The following SLC12A6 variants were observed in gnomAD, a reference collection of about 807,000 sequenced individuals.
SLC12A6 encodes the protein K-Cl cotransporter 3.
A neutral mutation model predicts 135.3 loss-of-function variants in SLC12A6; 66 were observed. That is an observed-to-expected ratio of 0.49 (90% CI 0.40 to 0.60). The LOEUF (loss-of-function observed/expected upper bound fraction) is 0.60. SLC12A6 is among the 20% of genes least tolerant of loss of function. The pLI is 0.00. For missense variants in SLC12A6, 1,058 were observed against 1,452.3 expected (o/e 0.73, Z 4.41); for synonymous variants, 513 against 508.8 (o/e 1.01, Z -0.11).
chr15:34,320,698 A>C (rs1299010305), intron 2 of SLC12A6, among the ~76,000 whole-genome samples: 3 of 151,668 alleles, frequency 2.0e-5, no homozygotes, highest in South Asian at 2.1e-4. Flanking sequence ...GGGTGGATCA[A>C]GAGGTCAGGA....
chr15:34,265,916 C>T (rs1400773874), intron 3 of SLC12A6, among the ~76,000 whole-genome samples: 3 of 150,510 alleles, frequency 2.0e-5, no homozygotes, highest in African/African-American at 4.9e-5. Context: ...AGCCAGACCA[C>T]GTAAGTTAGT....
chr15:34,336,968 A>G (rs1245178746), intron 1 of SLC12A6: 3 of 436,190 alleles, frequency 6.9e-6, no homozygotes, highest in Non-Finnish European at 1.3e-5. Context: ...TTCCTTCAGA[A>G]TGAAGAGCTA....
intron 2 of SLC12A6, among the ~76,000 whole-genome samples, chr15:34,278,494 C>A (rs1595484774): frequency 6.6e-6 from 1 of 152,180 alleles, no homozygotes; most frequent in Non-Finnish European, 1.5e-5. Context: ...GCTGTGCATA[C>A]ATGACGTATG....
intron 13 of SLC12A6, among the ~76,000 whole-genome samples, chr15:34,246,572 C>T (rs1327620411): frequency 1.3e-5 from 2 of 151,956 alleles, no homozygotes; most frequent in African/African-American, 4.8e-5. Context: ...TGTTGACTTT[C>T]TATTATATAA....
At chr15:34,266,640 C>T (rs1288289408) in intron 3 of SLC12A6, among the ~76,000 whole-genome samples, 1 of 152,084 alleles carries the variant, frequency 6.6e-6, no homozygotes, top group African/African-American at 2.4e-5. Context: ...TGAGGTTTTG[C>T]TATGTTGCCT....
chr15:34,291,459 CT>C (rs1895523995), intron 2 of SLC12A6, among the ~76,000 whole-genome samples: 1 of 152,110 alleles, frequency 6.6e-6, no homozygotes, highest in Non-Finnish European at 1.5e-5. Flanking sequence ...AATTAAGTGT[CT>C]TAGGGTTGCT....
chr15:34,266,254 C>T (rs1219312049), intron 3 of SLC12A6, among the ~76,000 whole-genome samples: 2 of 151,894 alleles, frequency 1.3e-5, no homozygotes, highest in East Asian at 1.9e-4. Flanking sequence ...CAGGCAAATA[C>T]TAACCAAAAG....
chr15:34,254,765 AT>A lies in SLC12A6; in HGVS notation c.877-177del, dbSNP rs11345194. Among the ~76,000 whole-genome samples the A allele has an allele frequency of 0.85, 121,237 of 142,052 alleles. 53,933 individuals carry two copies. The highest frequency in any genetic ancestry group is 0.98 in the South Asian group (4,335 of 4,412). 93.2% of individuals were successfully genotyped at this position (142,052 alleles called of 152,430 possible). ...TGCCTTCAGAAATGGGATGTCATGGATTTTTTTTTTTTTTTTGGTCTACATG... is the reference window on the plus strand; with the variant it reads ...TGCCTTCAGAAATGGGATGTCATGGATTTTTTTTTTTTTTTGGTCTACATG... On this transcript the variant is annotated intron_variant, in intron 8 of 25. Coordinates refer to ENST00000354181, the MANE Select transcript of SLC12A6 (RefSeq NM_001365088.1).
rs908344767 is a variant in SLC12A6 at position 34,258,673 on chromosome 15, C to T, written c.543+140G>A. 141 of 779,334 alleles carry T rather than the reference C, an allele frequency of 1.8e-4. No homozygotes were observed. In the Admixed American group the frequency reaches 1.9e-3, roughly 11 times the overall value. The allele number at this position is 779,334 out of a possible 1,614,324, so 48.3% of individuals were successfully genotyped here. On this transcript the variant is annotated intron_variant, in intron 5 of 25. Coordinates refer to ENST00000354181, the MANE Select transcript of SLC12A6 (RefSeq NM_001365088.1). ...ATCATATGTTTTCTTTGTGCTATGA[C>T]GCTGGTGCCCAGAACAGTTCCAGGC...
intron 12 of SLC12A6, 53 bp downstream of exon 12, chr15:34,250,578 T>C: frequency 4.1e-6 from 4 of 977,044 alleles, no homozygotes; most frequent in Non-Finnish European, 6.7e-6. Context: ...ATCATCTAGT[T>C]CTACTGGATG....
intron 3 of SLC12A6, among the ~76,000 whole-genome samples, chr15:34,265,386 AAAC>A (rs2053745053): frequency 6.7e-6 from 1 of 149,670 alleles, no homozygotes; most frequent in African/African-American, 2.5e-5. Context: ...AAGTAAGTAA[AAAC>A]AACAACAGCA....
At position 34,286,158 on chromosome 15, in the gene SLC12A6, C is replaced by T. The variant is rs567427770; in HGVS notation, c.272-10769G>A. On this transcript the variant is annotated intron_variant, in intron 2 of 25. Transcript: ENST00000354181. Reference sequence around the variant, plus strand: ...GCACGATCTAAGTTCCCTGCAACCGCCGCCTCCCGGGTTCAAGCAATTCTC... The same window carrying T: ...GCACGATCTAAGTTCCCTGCAACCGTCGCCTCCCGGGTTCAAGCAATTCTC... Among the ~76,000 whole-genome samples, 35 of 152,090 alleles carry T rather than the reference C, an allele frequency of 2.3e-4. 1 individual carries two copies. The highest frequency in any genetic ancestry group is 4.9e-4 in the Non-Finnish European group (33 of 67,976).
intron 2 of SLC12A6, among the ~76,000 whole-genome samples, chr15:34,282,116 A>ATAC (rs1894726335): frequency 6.6e-6 from 1 of 152,158 alleles, no homozygotes; most frequent in Admixed American, 6.6e-5. Context: ...AAGGAACCAC[A>ATAC]TACTCTACTT....
intron 2 of SLC12A6, among the ~76,000 whole-genome samples, chr15:34,292,618 T>G (rs1202710624): frequency 1.3e-5 from 2 of 152,192 alleles, no homozygotes; most frequent in African/African-American, 4.8e-5. Context: ...AGAGAAGCAG[T>G]AGGCCTTGCT....
chr15:34,335,376 G>A (rs1890129199), intron 2 of SLC12A6, among the ~76,000 whole-genome samples: 1 of 152,150 alleles, frequency 6.6e-6, no homozygotes, highest in South Asian at 2.1e-4. Flanking sequence ...AGGTTAAAAG[G>A]AACAATATTT....
intron 12 of SLC12A6, 68 bp from the exon 13 acceptor site, chr15:34,250,423 T>A: frequency 9.9e-7 from 1 of 1,013,620 alleles, no homozygotes; most frequent in Non-Finnish European, 1.6e-6. Flanking sequence ...AGACACTCAG[T>A]AGACACTTTC....
At chr15:34,320,899 A>G (rs1386933098) in intron 2 of SLC12A6, among the ~76,000 whole-genome samples, 1 of 151,410 alleles carries the variant, frequency 6.6e-6, no homozygotes, top group Admixed American at 6.6e-5. Flanking sequence ...ACAGAGCAAG[A>G]CTCGTCTCAA....
intron 2 of SLC12A6, among the ~76,000 whole-genome samples, chr15:34,280,947 CAT>C (rs1894636937): frequency 6.6e-6 from 1 of 152,012 alleles, no homozygotes; most frequent in Non-Finnish European, 1.5e-5. Flanking sequence ...CTAAACACCA[CAT>C]GTTCTCATTC....
At chr15:34,332,126 C>T (rs2141189512) in intron 2 of SLC12A6, among the ~76,000 whole-genome samples, 1 of 152,254 alleles carries the variant, frequency 6.6e-6, no homozygotes, top group South Asian at 2.1e-4. Flanking sequence ...TTTTCCTTTG[C>T]CGTATTTTTG....
Sources: gnomAD v4.1 joint callset for allele counts (sites outside exome capture counted in the v4.1 genomes callset) on GRCh38, gnomAD v4.1.1 for gene constraint, MANE v1.5 for transcripts, NCBI Gene and HGNC (gene_info 2026-07-23, HGNC 2026-07-21) for gene names.